Variants in BLTP1 observed in about 807,000 individuals in gnomAD.
BLTP1 encodes the protein fragile site-associated protein.
At chr4:122,304,677 T>C in the BLTP1 span, 3 of 1,452,302 alleles carry the variant, frequency 2.1e-6, no homozygotes, top group Non-Finnish European at 1.8e-6. Context: ...CTCCAAGGTA[T>C]GCCTGTTCAT....
At chr4:122,162,601 T>A in the BLTP1 span, 1 of 985,260 alleles carries the variant, frequency 1.0e-6, no homozygotes. Flanking sequence ...ACGAAAGTCC[T>A]CTCATCCATA....
At chr4:122,164,947 A>G in the BLTP1 span, among the ~76,000 whole-genome samples, 1 of 152,326 alleles carries the variant, frequency 6.6e-6, no homozygotes, top group African/African-American at 2.4e-5. Flanking sequence ...ATGCCAATAT[A>G]GAAGAAGGTA....
the BLTP1 span, chr4:122,289,471 C>G: frequency 3.1e-6 from 3 of 980,846 alleles, no homozygotes; most frequent in African/African-American, 1.7e-5. Flanking sequence ...GTCTATTAAC[C>G]AAATTAATCA....
the BLTP1 span, among the ~76,000 whole-genome samples, chr4:122,303,307 A>C: frequency 6.6e-6 from 1 of 152,214 alleles, no homozygotes; most frequent in Non-Finnish European, 1.5e-5. Context: ...TAAGCCCGCT[A>C]TGGGTCTACT....
chr4:122,154,599 C>T, the BLTP1 span, among the ~76,000 whole-genome samples: 5,437 of 152,194 alleles, frequency 0.036, 340 homozygotes, highest in African/African-American at 0.12. Flanking sequence ...AATGGCCGGG[C>T]GCGGTGGCTC....
At chr4:122,273,585 T>C in the BLTP1 span, 2 of 347,804 alleles carry the variant, frequency 5.8e-6, no homozygotes, top group Admixed American at 1.3e-4. Context: ...ACATTTTCAT[T>C]CACTTTTAAA....
the BLTP1 span, chr4:122,346,604 A>G: frequency 1.2e-6 from 2 of 1,608,484 alleles, no homozygotes; most frequent in Non-Finnish European, 8.5e-7. Context: ...TGTACTAACA[A>G]ATGTTATTTA....
the BLTP1 span, chr4:122,189,701 T>C: frequency 5.5e-6 from 5 of 909,812 alleles, no homozygotes; most frequent in Non-Finnish European, 6.6e-6. Flanking sequence ...AAATGAAAAA[T>C]ATAAAACTAA....
At chr4:122,191,765 C>T in the BLTP1 span, among the ~76,000 whole-genome samples, 1,516 of 152,126 alleles carry the variant, frequency 1.0e-2, 27 homozygotes, top group African/African-American at 0.033. Flanking sequence ...CATATCTTTA[C>T]GAGGCCAGAT....
At chr4:122,273,638 G>A in the BLTP1 span, among the ~76,000 whole-genome samples, 3 of 151,886 alleles carry the variant, frequency 2.0e-5, no homozygotes, top group Non-Finnish European at 2.9e-5. Flanking sequence ...TAATTTAATA[G>A]CTTTTATCAG....
chr4:122,230,289 T>G, the BLTP1 span: 2 of 1,195,866 alleles, frequency 1.7e-6, no homozygotes, highest in Non-Finnish European at 2.4e-6. Flanking sequence ...GAAATTCTAC[T>G]GAGAGAATGG....
At chr4:122,328,297 A>G in the BLTP1 span, 7 of 1,610,954 alleles carry the variant, frequency 4.3e-6, no homozygotes, top group South Asian at 2.2e-5. Context: ...GAAGATTCCG[A>G]GAAGGATGAA....
the BLTP1 span, chr4:122,311,018 T>A: frequency 2.4e-6 from 1 of 411,612 alleles, no homozygotes; most frequent in East Asian, 1.6e-4. Context: ...GTTTTTTTAA[T>A]AAAAGACAAA....
At chr4:122,250,271 G>A in the BLTP1 span, 1 of 1,318,958 alleles carries the variant, frequency 7.6e-7, no homozygotes, top group Non-Finnish European at 1.0e-6. Context: ...GAAAAAAATA[G>A]TCTTTATGAA....
chr4:122,356,472 C>G, the BLTP1 span: 1 of 812,750 alleles, frequency 1.2e-6, no homozygotes, highest in African/African-American at 1.7e-5. Flanking sequence ...AAGTGCTTAA[C>G]AAACTATCAT....
chr4:122,250,006 A>T, the BLTP1 span: 1 of 941,962 alleles, frequency 1.1e-6, no homozygotes, highest in Non-Finnish European at 1.3e-6. Context: ...CAGTAGAATT[A>T]TGCCATATAG....
chr4:122,293,191 C>T, the BLTP1 span: 6 of 982,448 alleles, frequency 6.1e-6, no homozygotes, highest in Non-Finnish European at 7.3e-6. Flanking sequence ...AAAAGTAGGA[C>T]AGTGGGCCAT....
At chr4:122,343,341 T>A in the BLTP1 span, 1 of 1,586,198 alleles carries the variant, frequency 6.3e-7, no homozygotes, top group Non-Finnish European at 8.6e-7. Context: ...GTCTGGTTCT[T>A]AAGAACATAT....
chr4:122,201,152 A>T, the BLTP1 span: 1 of 1,541,286 alleles, frequency 6.5e-7, no homozygotes, highest in Non-Finnish European at 8.9e-7. Flanking sequence ...ATATAAATAC[A>T]GTGAGATTTA....
Sources: gnomAD v4.1 joint callset for allele counts (sites outside exome capture counted in the v4.1 genomes callset) on GRCh38, gnomAD v4.1.1 for gene constraint, MANE v1.5 for transcripts, NCBI Gene and HGNC (gene_info 2026-07-23, HGNC 2026-07-21) for gene names.